Variants in GALNTL6 observed in about 807,000 individuals in gnomAD.
GALNTL6 encodes the protein polypeptide N-acetylgalactosaminyltransferase-like 6.
A neutral mutation model predicts 73.7 loss-of-function variants in GALNTL6; 46 were observed. The observed-to-expected ratio is 0.62, with a 90% CI of 0.49 to 0.80. The LOEUF (loss-of-function observed/expected upper bound fraction) is 0.80. Ranked by LOEUF, GALNTL6 falls within the 30% of genes least tolerant of loss-of-function variation. GALNTL6 has a pLI of 0.00. For synonymous variants in GALNTL6, 259 were observed against 263.7 expected, an observed-to-expected ratio of 0.98 and a Z score of 0.17; for missense variants, 604 against 755.0, an observed-to-expected ratio of 0.80 and a Z score of 2.34.
At chr4:172,487,237 G>A (rs113459198) in intron 5 of GALNTL6, among the ~76,000 whole-genome samples, 9 of 138,146 alleles carry the variant, frequency 6.5e-5, no homozygotes, top group African/African-American at 2.4e-4. Context: ...CTTCCTTCCT[G>A]TCTTTCTTTC....
intron 4 of GALNTL6, among the ~76,000 whole-genome samples, chr4:172,346,140 G>A (rs139139376): frequency 6.6e-6 from 1 of 152,174 alleles, no homozygotes; most frequent in Non-Finnish European, 1.5e-5. Flanking sequence ...ATCTGCTAGA[G>A]CTTATCTCTC....
At chr4:172,585,914 C>T (rs1039162657) in intron 5 of GALNTL6, among the ~76,000 whole-genome samples, 2 of 152,010 alleles carry the variant, frequency 1.3e-5, no homozygotes, top group South Asian at 2.1e-4. Flanking sequence ...AAAAAAAGCT[C>T]ATCATTACAG....
At chr4:172,624,241 G>A (rs1739069631) in intron 5 of GALNTL6, among the ~76,000 whole-genome samples, 2 of 151,952 alleles carry the variant, frequency 1.3e-5, no homozygotes, top group Non-Finnish European at 2.9e-5. Context: ...GAACTTAACA[G>A]GAGTGCTTTT....
At chr4:171,976,005 C>T (rs1275426371) in intron 2 of GALNTL6, among the ~76,000 whole-genome samples, 1 of 152,130 alleles carries the variant, frequency 6.6e-6, no homozygotes, top group African/African-American at 2.4e-5. Flanking sequence ...TCATTGCAAC[C>T]TCCACCTCCC....
At chr4:172,145,527 A>G (rs719799) in intron 2 of GALNTL6, among the ~76,000 whole-genome samples, 69,492 of 151,860 alleles carry the variant, frequency 0.46, 16,858 homozygotes, top group African/African-American at 0.61. Flanking sequence ...TTACAAGCAT[A>G]TATATGGCAT....
rs1738361777 is a variant in GALNTL6, at chr4:172,264,402, G to C, written c.247+34638G>C. On this transcript the variant is annotated intron_variant, in intron 3 of 12. Transcript: ENST00000506823. ...TCAGTTTCCTCATATTTGTCCCTTAGGGTTTTGGCAACATTAAAACTAACA... is the reference window on the plus strand; with the variant it reads ...TCAGTTTCCTCATATTTGTCCCTTACGGTTTTGGCAACATTAAAACTAACA... Among the ~76,000 whole-genome samples the C allele has an allele frequency of 2.7e-5, 4 of 149,334 alleles. 1 individual carries two copies. In the South Asian group the frequency reaches 8.4e-4, roughly 31 times the overall value.
At chr4:172,609,601 T>TTCTCTCTC (rs71592087) in intron 5 of GALNTL6, among the ~76,000 whole-genome samples, 14 of 113,854 alleles carry the variant, frequency 1.2e-4, no homozygotes, top group African/African-American at 2.8e-4. Flanking sequence ...GCCTGAAGTT[T>TTCTCTCTC]TCTCTCTCTC....
At chr4:172,575,263 G>T (rs1184661917) in intron 5 of GALNTL6, among the ~76,000 whole-genome samples, 1 of 152,048 alleles carries the variant, frequency 6.6e-6, no homozygotes, top group Non-Finnish European at 1.5e-5. Flanking sequence ...TATTTTTAGG[G>T]AATTTTCCTT....
chr4:172,955,655 T>C lies in GALNTL6; in HGVS notation c.1371+3397T>C, dbSNP rs949551191. 4.6e-5 allele frequency among the ~76,000 whole-genome samples: 7 copies of C among 152,212 alleles called. No individual in the cohort carries two copies. The East Asian group carries it at 1.3e-3, about 29-fold the overall frequency. On this transcript the variant is annotated intron_variant, in intron 10 of 12. Coordinates refer to ENST00000506823, the MANE Select transcript of GALNTL6 (RefSeq NM_001034845.3). ...TCTTCTAATGTTAACATTTTATATTTACTTTCACTCGCGTCCCTGTGAAGA... is the reference window on the plus strand; with the variant it reads ...TCTTCTAATGTTAACATTTTATATTCACTTTCACTCGCGTCCCTGTGAAGA...
chr4:172,092,456 C>G lies in GALNTL6; in HGVS notation c.139-137200C>G, dbSNP rs529556831. Among the ~76,000 whole-genome samples, 7 of 152,118 alleles carry G rather than the reference C, an allele frequency of 4.6e-5. No homozygotes were observed. In the East Asian group the frequency reaches 1.4e-3, roughly 29 times the overall value. On this transcript the variant is annotated intron_variant, in intron 2 of 12. Transcript: ENST00000506823. ...TTTCTTATCTCTGTTTCACATGCTT[C>G]AGGGGCCTCTGGATCATGCTAAAGT...
intron 2 of GALNTL6, among the ~76,000 whole-genome samples, chr4:172,128,662 A>T (rs1733370671): frequency 6.6e-6 from 1 of 152,148 alleles, no homozygotes; most frequent in Admixed American, 6.5e-5. Context: ...TCAGTGTTAA[A>T]TTTCTAAATA....
intron 5 of GALNTL6, among the ~76,000 whole-genome samples, chr4:172,439,734 C>G (rs923717758): frequency 6.6e-6 from 1 of 151,982 alleles, no homozygotes; most frequent in Non-Finnish European, 1.5e-5. Flanking sequence ...ATCCAAATTC[C>G]TGAATCCCTT....
chr4:172,131,708 T>A (rs1200252516), intron 2 of GALNTL6, among the ~76,000 whole-genome samples: 1 of 151,944 alleles, frequency 6.6e-6, no homozygotes, highest in Non-Finnish European at 1.5e-5. Flanking sequence ...AGCTGTAGAT[T>A]CTTTGGGTGT....
rs113156444 is a variant in GALNTL6, at chr4:172,257,010, A to G, written c.247+27246A>G. Among the ~76,000 whole-genome samples the G allele has an allele frequency of 6.2e-3, 945 of 151,318 alleles. 7 individuals carry two copies. Among genetic ancestry groups the G allele is most frequent in the Non-Finnish European group, 7.6e-3 (511 of 67,432 alleles). ...CCTTAGCCCTGCCAGCTCATGTACA[A>G]TTGGTAAGTAGGGAAATGACGTCAG... On this transcript the variant is annotated intron_variant, in intron 3 of 12. Coordinates refer to ENST00000506823, the MANE Select transcript of GALNTL6 (RefSeq NM_001034845.3).
intron 5 of GALNTL6, among the ~76,000 whole-genome samples, chr4:172,369,051 C>T (rs942868827): frequency 1.3e-5 from 2 of 152,154 alleles, no homozygotes; most frequent in Admixed American, 6.5e-5. Flanking sequence ...GTTGCCACTG[C>T]AGGCTCAGGC....
At chr4:172,935,450 T>C (rs61613240) in intron 9 of GALNTL6, among the ~76,000 whole-genome samples, 2,143 of 151,882 alleles carry the variant, frequency 0.014, 58 homozygotes, top group African/African-American at 0.049. Flanking sequence ...CTGAAGGAGA[T>C]AGAGATACCA....
chr4:171,814,730 C>G lies in GALNTL6; in HGVS notation c.138+12C>G. 3 of 1,613,194 alleles carry G rather than the reference C, an allele frequency of 1.9e-6. No individual in the cohort carries two copies. Among genetic ancestry groups the G allele is most frequent in the Non-Finnish European group, 2.5e-6 (3 of 1,179,882 alleles). ...CCGGGGAGCAGCAGGTAAGTGCCACCCAGAGAAAGATCACACAAGGATTGG... is the reference window on the plus strand; with the variant it reads ...CCGGGGAGCAGCAGGTAAGTGCCACGCAGAGAAAGATCACACAAGGATTGG... On this transcript the variant is annotated intron_variant, in intron 2 of 12. Transcript: ENST00000506823.
intron 5 of GALNTL6, among the ~76,000 whole-genome samples, chr4:172,791,983 T>C (rs1483463180): frequency 6.6e-6 from 1 of 152,296 alleles, no homozygotes; most frequent in African/African-American, 2.4e-5. Flanking sequence ...TCCATGCGAT[T>C]ATTAGTCTAA....
rs145514364 is a variant in GALNTL6 at position 172,448,609 on chromosome 4, G to A, written c.553+99920G>A. Reference sequence around the variant, plus strand: ...ACACAGTCTACTGTCCCCTCTATTCGCTATCTGGGGAACGCTAGGAAAAGT... The same window carrying A: ...ACACAGTCTACTGTCCCCTCTATTCACTATCTGGGGAACGCTAGGAAAAGT... On this transcript the variant is annotated intron_variant, in intron 5 of 12. Coordinates refer to ENST00000506823, the MANE Select transcript of GALNTL6 (RefSeq NM_001034845.3). 4.6e-3 allele frequency among the ~76,000 whole-genome samples: 707 copies of A among 152,190 alleles called. 7 individuals are homozygous for A. The highest frequency in any genetic ancestry group is 0.016 in the African/African-American group (662 of 41,538).
Sources: gnomAD v4.1 joint callset for allele counts (sites outside exome capture counted in the v4.1 genomes callset) on GRCh38, gnomAD v4.1.1 for gene constraint, MANE v1.5 for transcripts, NCBI Gene and HGNC (gene_info 2026-07-23, HGNC 2026-07-21) for gene names.